The following DDX27 variants were observed in gnomAD, a reference collection of about 807,000 sequenced individuals.
DDX27 encodes DEAD-box helicase 27.
A neutral mutation model predicts 99.3 loss-of-function variants in DDX27; 42 were observed. The observed-to-expected ratio is 0.42, with a 90% CI of 0.33 to 0.55. The LOEUF (loss-of-function observed/expected upper bound fraction) is 0.55. Ranked by LOEUF, DDX27 falls within the 20% of genes least tolerant of loss-of-function variation. The probability of loss-of-function intolerance (pLI) is 0.07; values close to 1 mark genes in which losing one functional copy is unlikely to be tolerated. For synonymous variants in DDX27, 329 were observed against 353.8 expected (o/e 0.93, Z 0.79); for missense variants, 798 against 976.8 (o/e 0.82, Z 2.44).
In DDX27 at chr20:49,223,277, G is replaced by A; in HGVS notation, c.310G>A (p.Ala104Thr). The part of the protein sequence containing the change: ...RKKRKTEDKE[A>T]KSGKLEKEKE... ...TTAATTTTTTTCCCAGGATAAAGAA[G>A]CCAAGTCTGGGAAGTTGGAAAAGGA... The change falls in exon 4 of 21, where the codon GCC (alanine) becomes ACC (threonine). Residue 104 changes from alanine (A) to threonine (T), a missense_variant. By Grantham distance (58) the Ala-to-Thr change is moderately conservative (BLOSUM62 0). Around this residue, in one of 2 missense-constraint regions of DDX27, gnomAD observed 245 missense variants for 248.8 expected, o/e 0.98. Transcript: ENST00000618172. 11 of 1,607,932 alleles carry A rather than the reference G, an allele frequency of 6.8e-6. No homozygotes were observed. The highest frequency in any genetic ancestry group is 7.6e-6 in the Non-Finnish European group (9 of 1,178,530).
At chr20:49,242,462 G>A in intron 18 of DDX27, 132 bp from the exon 19 acceptor site, 1 of 1,074,922 alleles carries the variant, frequency 9.3e-7, no homozygotes, top group African/African-American at 1.6e-5. Context: ...GGAGGAGCTG[G>A]TGAGGACAGA....
chr20:49,233,855 G>A (rs948242089), intron 11 of DDX27, 146 bp downstream of exon 11: 10 of 843,802 alleles, frequency 1.2e-5, no homozygotes, highest in South Asian at 3.5e-5. Flanking sequence ...ATGATGATCC[G>A]CTGCCTCTCT....
At chr20:49,241,709 TC>T (rs1980480899) in intron 16 of DDX27, 183 bp from the exon 17 acceptor site, 4 of 648,116 alleles carry the variant, frequency 6.2e-6, no homozygotes, top group African/African-American at 5.5e-5. Flanking sequence ...CCTCAGGTGA[TC>T]CACCCACCTC....
chr20:49,222,245 G>C (rs866366999), intron 2 of DDX27, among the ~76,000 whole-genome samples: 5 of 151,962 alleles, frequency 3.3e-5, no homozygotes, highest in Non-Finnish European at 5.9e-5. Flanking sequence ...CGATTCTTGT[G>C]CTTTAGCCTC....
At position 49,236,341 on chromosome 20, in the gene DDX27, C is replaced by T. The variant is rs767586233; in HGVS notation, c.1518C>T (p.Asn506=). ...LDIEGVKTVI[N]FTMPNTIKHY... ...CATTTTTGACCTTCTAGGTAATCAA[C>T]TTCACAATGCCTAATACCATCAAAC... is the stretch of plus-strand genomic sequence containing the variant. Residue 506 remains asparagine, a synonymous_variant, in exon 14 of 21, where the codon AAC becomes AAT. Coordinates refer to ENST00000618172, the MANE Select transcript of DDX27 (RefSeq NM_017895.8). The surrounding 1 kb of genome is among the most constrained non-coding windows in gnomAD (Gnocchi z 4.1). 5 of 1,581,498 alleles carry T rather than the reference C, an allele frequency of 3.2e-6. No individual in the cohort carries two copies. In the African/African-American group the frequency reaches 5.4e-5, roughly 17 times the overall value.
intron 2 of DDX27, among the ~76,000 whole-genome samples, chr20:49,222,289 C>A (rs911295389): frequency 6.6e-6 from 1 of 151,270 alleles, no homozygotes; most frequent in East Asian, 1.9e-4. Context: ...CCCACCACCA[C>A]GCCCAGCTAA....
chr20:49,240,009 A>G (rs923537381), intron 16 of DDX27, among the ~76,000 whole-genome samples: 1 of 152,330 alleles, frequency 6.6e-6, no homozygotes, highest in South Asian at 2.1e-4. Flanking sequence ...ATATCTAGCT[A>G]GGCAAATTCA....
chr20:49,221,476 C>G lies in DDX27; in HGVS notation c.118C>G (p.Gln40Glu). The G allele has an allele frequency of 6.2e-7, 1 of 1,613,578 alleles. No homozygotes were observed. Among genetic ancestry groups the G allele is most frequent in the East Asian group, 2.2e-5 (1 of 44,872 alleles). Residue 40 changes from glutamine (Q) to glutamate (E), a missense_variant, in exon 2 of 21, where the codon CAA becomes GAA. By Grantham distance (29) the Gln-to-Glu change is conservative. Around this residue, in one of 2 missense-constraint regions of DDX27, gnomAD observed 245 missense variants for 248.8 expected, o/e 0.98. Transcript: ENST00000618172. ...GGGGCCCATTGTGCTGGGCAGACGA[C>G]AAAAAGCTTTGGGGAAGAACCGCAG... is the stretch of plus-strand genomic sequence containing the variant. ...EEGPIVLGRR[Q>E]KALGKNRSAD... is the part of the protein sequence containing the mutation.
rs961212498 is a variant in DDX27, at chr20:49,236,756, G to A, written c.1687+246G>A. Among the ~76,000 whole-genome samples, 1 of 152,188 alleles carries A rather than the reference G, an allele frequency of 6.6e-6. No homozygotes were observed. Among genetic ancestry groups the A allele is most frequent in the East Asian group, 1.9e-4 (1 of 5,194 alleles). On this transcript the variant is annotated intron_variant, in intron 14 of 20. Transcript: ENST00000618172. The surrounding 1 kb of genome is among the most constrained non-coding windows in gnomAD (Gnocchi z 4.1). The stretch of plus-strand genomic sequence containing the variant: ...ATTTAGGTGGAAATTGAGAAGAGAA[G>A]GTTGCTTGGGGCAAAATTCTCACTA...
At chr20:49,238,811 C>A in intron 14 of DDX27, 138 bp from the exon 15 acceptor site, 1 of 491,282 alleles carries the variant, frequency 2.0e-6, no homozygotes, top group East Asian at 3.9e-5. Flanking sequence ...AGTCTGGCCA[C>A]GTTGCCCAGG....
intron 16 of DDX27, among the ~76,000 whole-genome samples, chr20:49,241,536 G>A (rs761532737): frequency 4.0e-5 from 6 of 151,288 alleles, no homozygotes; most frequent in Non-Finnish European, 7.4e-5. Flanking sequence ...GCAGTGGCGC[G>A]ATCTCAGCTC....
At chr20:49,219,704 A>G (rs1163312550) in intron 1 of DDX27, among the ~76,000 whole-genome samples, 163 bp downstream of exon 1, 1 of 152,032 alleles carries the variant, frequency 6.6e-6, no homozygotes, top group Non-Finnish European at 1.5e-5. Context: ...CCCCGCCACT[A>G]GGTTATCTCT....
intron 7 of DDX27, 41 bp downstream of exon 7, chr20:49,226,576 C>T (rs199510755): frequency 4.1e-5 from 61 of 1,498,742 alleles, no homozygotes; most frequent in East Asian, 3.7e-4. Context: ...AAGGGTGTTA[C>T]GGCCAGGGCT....
At chr20:49,222,808 C>T (rs543175895) in intron 2 of DDX27, 149 bp from the exon 3 acceptor site, 25 of 389,906 alleles carry the variant, frequency 6.4e-5, no homozygotes, top group South Asian at 2.6e-4. Flanking sequence ...CCACCGCGCC[C>T]GGCCTAAAAT....
chr20:49,242,243 G>GT, intron 18 of DDX27, 37 bp downstream of exon 18: 1 of 1,610,120 alleles, frequency 6.2e-7, no homozygotes, highest in Non-Finnish European at 8.5e-7. Flanking sequence ...CTTGTACAAG[G>GT]TTTTCCCTGA....
intron 11 of DDX27, 131 bp downstream of exon 11, chr20:49,233,840 C>T (rs1490851055): frequency 1.0e-6 from 1 of 983,470 alleles, no homozygotes; most frequent in Non-Finnish European, 1.5e-6. Flanking sequence ...GGCTGCACTG[C>T]ACTAATGATG....
At chr20:49,232,924 C>CAAA (rs567304526) in intron 9 of DDX27, 38 of 117,762 alleles carry the variant, frequency 3.2e-4, no homozygotes, top group South Asian at 1.4e-3. Flanking sequence ...AACTCCATCT[C>CAAA]AAAAAAAAAA....
chr20:49,226,985 C>T (rs1203518043), intron 7 of DDX27, among the ~76,000 whole-genome samples: 1 of 147,088 alleles, frequency 6.8e-6, no homozygotes, highest in African/African-American at 2.5e-5. Flanking sequence ...GCCTCAGCCT[C>T]CCAAGTAGCT....
At chr20:49,231,109 C>G (rs1398962559) in intron 9 of DDX27, 1 of 152,428 alleles carries the variant, frequency 6.6e-6, no homozygotes, top group African/African-American at 2.4e-5. Context: ...ATCTCCTGCC[C>G]CTTCAGGTTT....
Sources: allele counts gnomAD v4.1 joint callset (sites outside exome capture counted in the v4.1 genomes callset), GRCh38; gene constraint gnomAD v4.1.1; regional missense constraint gnomAD v4.1.1; non-coding constraint Gnocchi (gnomAD v3.1); transcripts MANE v1.5; gene names NCBI Gene and HGNC (gene_info 2026-07-23, HGNC 2026-07-21).